The following TMEM63B variants were observed in gnomAD, a reference collection of about 807,000 sequenced individuals.
TMEM63B encodes transmembrane protein 63B.
Under a neutral mutation model 102.6 loss-of-function variants are expected in TMEM63B, and 23 were observed. The ratio of observed to expected loss-of-function variants is 0.22; its 90% CI spans 0.16 to 0.32. TMEM63B has a LOEUF of 0.32. Ranked by LOEUF, TMEM63B falls within the 10% of genes least tolerant of loss-of-function variation. The pLI is 1.00. For synonymous variants in TMEM63B, 444 were observed against 437.0 expected (o/e 1.02, Z -0.20); for missense variants, 628 against 1,095.9 (o/e 0.57, Z 6.03).
In TMEM63B at chr6:44,155,041, A is replaced by G; in HGVS notation, c.*158A>G. ...CTTGGGGGTTTCACTGCTCTCCCCCATGATGGAGGGAGGGAGCCCCCCAAC... is the reference window on the plus strand; with the variant it reads ...CTTGGGGGTTTCACTGCTCTCCCCCGTGATGGAGGGAGGGAGCCCCCCAAC... On this transcript the variant is annotated 3_prime_UTR_variant, in exon 24 of 24. Coordinates refer to ENST00000323267, the MANE Select transcript of TMEM63B (RefSeq NM_018426.3). 1.5e-6 allele frequency: 1 copy of G among 651,268 alleles called. No homozygotes were observed. The highest frequency in any genetic ancestry group is 2.3e-6 in the Non-Finnish European group (1 of 436,684). 40.3% of individuals were successfully genotyped at this position (651,268 alleles called of 1,614,324 possible).
chr6:44,131,036 G>A (rs1163298460), intron 1 of TMEM63B, among the ~76,000 whole-genome samples: 1 of 151,994 alleles, frequency 6.6e-6, no homozygotes, highest in Non-Finnish European at 1.5e-5. Flanking sequence ...TCCTGCCTCA[G>A]CCTCCCGAGT....
chr6:44,147,361 C>T lies in TMEM63B; in HGVS notation c.864-16C>T, dbSNP rs1765635309. The T allele has an allele frequency of 1.2e-6, 2 of 1,614,016 alleles. No individual in the cohort carries two copies. The highest frequency in any genetic ancestry group is 1.1e-5 in the South Asian group (1 of 91,088). On this transcript the variant is annotated splice_polypyrimidine_tract_variant and intron_variant, in intron 11 of 23. Coordinates refer to ENST00000323267, the MANE Select transcript of TMEM63B (RefSeq NM_018426.3). ...CCAGCCCCAGATGTAGGTGACCAGG[C>T]ATCTGGGTCCCACAGGAAGAAGGCC...
chr6:44,136,306 A>C (rs1306080665), intron 4 of TMEM63B, 43 bp from the exon 5 acceptor site: 23 of 1,575,938 alleles, frequency 1.5e-5, no homozygotes, highest in African/African-American at 2.7e-5. Context: ...CCGGGGGCTC[A>C]GACTCACCAG....
chr6:44,148,310 GGGAGAA>G lies in TMEM63B; in HGVS notation c.1055_1060del (p.Glu352_Lys353del). ...CAGAAGCTGAAGGAAGACTACAAGC[GGGAGAA>G]GGAGAAGGTGAATGAGAAGCCTCTT... On this transcript the variant is annotated inframe_deletion, in exon 13 of 24. Coordinates refer to ENST00000323267, the MANE Select transcript of TMEM63B (RefSeq NM_018426.3). This position sits in a 1 kb window ranked among gnomAD's most constrained non-coding sequence, Gnocchi z 5.1. 1 of 1,614,238 alleles carries G rather than the reference GGGAGAA, an allele frequency of 6.2e-7. No individual in the cohort carries two copies. Among genetic ancestry groups the G allele is most frequent in the African/African-American group, 1.3e-5 (1 of 75,060 alleles).
chr6:44,152,505 T>C lies in TMEM63B; in HGVS notation c.1837-88T>C. The C allele has an allele frequency of 1.0e-6, 1 of 979,070 alleles. No individual in the cohort carries two copies. The highest frequency in any genetic ancestry group is 1.6e-6 in the Non-Finnish European group (1 of 624,842). The allele number at this position is 979,070 out of a possible 1,614,324, so 60.6% of individuals were successfully genotyped here. The stretch of plus-strand genomic sequence containing the variant: ...ATGGCTTCTTTTCCGGCCCCAGAGG[T>C]CCTGGCTCCCTTCCCCCTCCCTCCT... On this transcript the variant is annotated intron_variant, in intron 19 of 23. Coordinates refer to ENST00000323267, the MANE Select transcript of TMEM63B (RefSeq NM_018426.3). The surrounding 1 kb of genome is among the most constrained non-coding windows in gnomAD (Gnocchi z 6.4).
At chr6:44,132,850 GCCGAGTC>G (rs1009936597) in intron 1 of TMEM63B, among the ~76,000 whole-genome samples, 13 of 152,192 alleles carry the variant, frequency 8.5e-5, no homozygotes, top group Admixed American at 2.6e-4. Flanking sequence ...TCCATGGTCT[GCCGAGTC>G]CTGTTCTAGG....
Position 44,152,739 on chromosome 6 carries a change from G to C in TMEM63B, c.1942+41G>C. 1.3e-6 allele frequency: 2 copies of C among 1,524,348 alleles called. No individual in the cohort carries two copies. The highest frequency in any genetic ancestry group is 2.2e-5 in the South Asian group (2 of 89,004). 94.4% of individuals were successfully genotyped at this position (1,524,348 alleles called of 1,614,324 possible). A position where few individuals can be genotyped will look rare whatever the true frequency, so the allele number is the denominator to read the frequency against. ...CCGGGACCTGGGCCCTGCTCGGGGG[G>C]ACCCAGGACTTCACCCTCTCCACTC... On this transcript the variant is annotated intron_variant, in intron 20 of 23. Transcript: ENST00000323267. This position sits in a 1 kb window ranked among gnomAD's most constrained non-coding sequence, Gnocchi z 6.4.
rs953306316 is a variant in TMEM63B, at chr6:44,150,835, G to C, written c.1673+206G>C. 2.0e-5 allele frequency among the ~76,000 whole-genome samples: 3 copies of C among 152,188 alleles called. No individual in the cohort carries two copies. The highest frequency in any genetic ancestry group is 7.2e-5 in the African/African-American group (3 of 41,436). ...GGTAGAAGTCCCTGGGGTCTGTGTTGGTGTTCACTCTCTGGTAACCTGTTT... is the reference window on the plus strand; with the variant it reads ...GGTAGAAGTCCCTGGGGTCTGTGTTCGTGTTCACTCTCTGGTAACCTGTTT... On this transcript the variant is annotated intron_variant, in intron 18 of 23. Transcript: ENST00000323267. This position sits in a 1 kb window ranked among gnomAD's most constrained non-coding sequence, Gnocchi z 4.7.
intron 1 of TMEM63B, among the ~76,000 whole-genome samples, chr6:44,133,800 A>C (rs1762401018): frequency 6.6e-6 from 1 of 152,244 alleles, no homozygotes; most frequent in Non-Finnish European, 1.5e-5. Flanking sequence ...TAGCTTTCCC[A>C]GCCTTCCCTG....
In TMEM63B at chr6:44,140,111, T is replaced by C. The variant is rs1763928747; in HGVS notation, c.603-141T>C. The C allele has an allele frequency of 4.4e-6, 3 of 680,242 alleles. No individual in the cohort carries two copies. In the Admixed American group the frequency reaches 8.0e-5, roughly 18 times the overall value. 42.1% of individuals were successfully genotyped at this position (680,242 alleles called of 1,614,324 possible). A position where few individuals can be genotyped will look rare whatever the true frequency, so the allele number is the denominator to read the frequency against. On this transcript the variant is annotated intron_variant, in intron 8 of 23. Coordinates refer to ENST00000323267, the MANE Select transcript of TMEM63B (RefSeq NM_018426.3). Reference sequence around the variant, plus strand: ...AGGGGATGTGGGATGTGGGCCTGCCTTGCGAGGAGTCAGTGCCAGAAGGCT... The same window carrying C: ...AGGGGATGTGGGATGTGGGCCTGCCCTGCGAGGAGTCAGTGCCAGAAGGCT...
rs1473170611 is a variant in TMEM63B at position 44,148,927 on chromosome 6, G to A, written c.1395G>A (p.Lys465=). The A allele has an allele frequency of 6.2e-6, 10 of 1,613,958 alleles. No homozygotes were observed. Among genetic ancestry groups the A allele is most frequent in the Non-Finnish European group, 7.6e-6 (9 of 1,180,030 alleles). ...CCATGGACAAGTTCAACGTCACCAA[G>A]CCTGTGGAGTACCTCAACGTGAGGC... is the stretch of plus-strand genomic sequence containing the variant. The part of the protein sequence containing the change: ...ITTMDKFNVT[K]PVEYLNNPII... Residue 465 remains lysine, a synonymous_variant, in exon 15 of 24, where the codon AAG becomes AAA. Transcript: ENST00000323267. This position sits in a 1 kb window ranked among gnomAD's most constrained non-coding sequence, Gnocchi z 5.1.
Position 44,136,450 on chromosome 6 carries a change from T to TC in TMEM63B, c.369+17dup, listed in dbSNP as rs746984534. On this transcript the variant is annotated intron_variant, in intron 5 of 23. Coordinates refer to ENST00000323267, the MANE Select transcript of TMEM63B (RefSeq NM_018426.3). ...GACCAAAGGGACAATGTGAGTGCCC[T>TC]CCCCCCAAACTTCTTAGTCCCCCAC... 1.9e-6 allele frequency: 3 copies of TC among 1,605,878 alleles called. No homozygotes were observed. In the South Asian group the frequency reaches 3.3e-5, roughly 18 times the overall value.
intron 15 of TMEM63B, 154 bp downstream of exon 15, chr6:44,149,099 T>C: frequency 8.8e-7 from 1 of 1,133,402 alleles, no homozygotes; most frequent in Non-Finnish European, 1.3e-6. Context: ...TGCACTTCCC[T>C]TGGGCTCCCT....
intron 1 of TMEM63B, 145 bp from the exon 2 acceptor site, chr6:44,134,416 C>G (rs1203606413): frequency 2.6e-6 from 2 of 780,904 alleles, no homozygotes; most frequent in Admixed American, 2.9e-5. Flanking sequence ...TCTCCCCTCC[C>G]TAGGCCCTTA....
intron 1 of TMEM63B, among the ~76,000 whole-genome samples, chr6:44,133,594 T>C (rs530893049): frequency 6.6e-6 from 1 of 152,346 alleles, no homozygotes; most frequent in South Asian, 2.1e-4. Flanking sequence ...CACTCTGCTC[T>C]GTCCCCAAGC....
intron 10 of TMEM63B, among the ~76,000 whole-genome samples, 187 bp downstream of exon 10, chr6:44,141,285 G>A (rs1219636282): frequency 3.3e-5 from 5 of 152,136 alleles, no homozygotes; most frequent in Non-Finnish European, 5.9e-5. Flanking sequence ...GCCCCTTTAA[G>A]AACAGGAAAA....
In TMEM63B at chr6:44,152,470, C is replaced by A; in HGVS notation, c.1837-123C>A. ...CCCTACCCTACCCTAGACATTAGGT[C>A]CTGTTCCCCATGGCTTCTTTTCCGG... On this transcript the variant is annotated intron_variant, in intron 19 of 23. Coordinates refer to ENST00000323267, the MANE Select transcript of TMEM63B (RefSeq NM_018426.3). The surrounding 1 kb of genome is among the most constrained non-coding windows in gnomAD (Gnocchi z 6.4). 1 of 731,784 alleles carries A rather than the reference C, an allele frequency of 1.4e-6. No homozygotes were observed. The allele number at this position is 731,784 out of a possible 1,614,324, so 45.3% of individuals were successfully genotyped here.
Position 44,149,894 on chromosome 6 carries a change from G to T in TMEM63B, c.1449G>T (p.Leu483=), listed in dbSNP as rs1208264171. The T allele has an allele frequency of 6.2e-7, 1 of 1,613,292 alleles. No individual in the cohort carries two copies. The highest frequency in any genetic ancestry group is 8.5e-7 in the Non-Finnish European group (1 of 1,179,744). The change falls in exon 16 of 24, where the codon CTG becomes CTT. Residue 483 remains leucine (L), a synonymous_variant. Coordinates refer to ENST00000323267, the MANE Select transcript of TMEM63B (RefSeq NM_018426.3). ...TCACCCAGTTCTTCCCCACCCTGCTGCTGTGGTGCTTCTCGGCCCTCCTTC... is the reference window on the plus strand; with the variant it reads ...TCACCCAGTTCTTCCCCACCCTGCTTCTGTGGTGCTTCTCGGCCCTCCTTC... ...PIITQFFPTL[L]LWCFSALLPT... is the part of the protein sequence containing the mutation.
In TMEM63B at chr6:44,154,917, C is replaced by T; in HGVS notation, c.*34C>T. On this transcript the variant is annotated 3_prime_UTR_variant, in exon 24 of 24. Coordinates refer to ENST00000323267, the MANE Select transcript of TMEM63B (RefSeq NM_018426.3). ...AGGGGCCCTGGAGGCCACATCCTGC[C>T]CCACCCCACCCCCACTCCCACGGAC... 1 of 1,473,620 alleles carries T rather than the reference C, an allele frequency of 6.8e-7. No homozygotes were observed. The highest frequency in any genetic ancestry group is 9.0e-7 in the Non-Finnish European group (1 of 1,110,030). 91.3% of individuals were successfully genotyped at this position (1,473,620 alleles called of 1,614,324 possible).
Sources: gnomAD v4.1 joint callset for allele counts (sites outside exome capture counted in the v4.1 genomes callset) on GRCh38, gnomAD v4.1.1 for gene constraint, Gnocchi (gnomAD v3.1) non-coding constraint, MANE v1.5 for transcripts, NCBI Gene and HGNC (gene_info 2026-07-23, HGNC 2026-07-21) for gene names.